PPP3CA: variants seen among roughly 807,000 people sequenced by gnomAD.
PPP3CA encodes CAM-PRP catalytic subunit.
A neutral mutation model predicts 66.5 loss-of-function variants in PPP3CA; 14 were observed. The observed-to-expected ratio is 0.21, with a 90% CI of 0.14 to 0.33. The LOEUF (loss-of-function observed/expected upper bound fraction) is 0.33, where lower values mean the gene tolerates loss of function less well. PPP3CA is among the 10% of genes least tolerant of loss of function. The pLI is 1.00. For synonymous variants in PPP3CA, 232 were observed against 226.2 expected (o/e 1.03, Z -0.23); for missense variants, 317 against 639.5 (o/e 0.50, Z 5.44).
intron 1 of PPP3CA, among the ~76,000 whole-genome samples, chr4:101,345,631 G>A (rs1729957523): frequency 6.6e-6 from 1 of 152,130 alleles, no homozygotes; most frequent in African/African-American, 2.4e-5. Flanking sequence ...AGCCTTCCAG[G>A]ATTCATAGGA....
At chr4:101,309,867 T>A (rs2850366) in intron 1 of PPP3CA, among the ~76,000 whole-genome samples, 2 of 152,040 alleles carry the variant, frequency 1.3e-5, no homozygotes, top group Non-Finnish European at 2.9e-5. Context: ...AATAGTGTGC[T>A]ACACATTCCC....
chr4:101,268,904 T>C (rs1727248651), intron 1 of PPP3CA, among the ~76,000 whole-genome samples: 1 of 152,166 alleles, frequency 6.6e-6, no homozygotes, highest in South Asian at 2.1e-4. Context: ...CTAAGTTGTC[T>C]CATGGGACGT....
chr4:101,250,636 G>A (rs1325384954), intron 1 of PPP3CA, among the ~76,000 whole-genome samples: 3 of 151,934 alleles, frequency 2.0e-5, no homozygotes, highest in East Asian at 1.9e-4. Flanking sequence ...GGTGAATCTC[G>A]TAGATTAAAA....
intron 1 of PPP3CA, among the ~76,000 whole-genome samples, chr4:101,340,899 A>G (rs996134746): frequency 4.3e-4 from 65 of 152,202 alleles, no homozygotes; most frequent in African/African-American, 1.5e-3. Flanking sequence ...TTAAGACAAC[A>G]TCCTTCAAAA....
intron 1 of PPP3CA, among the ~76,000 whole-genome samples, chr4:101,254,638 A>AT (rs1235651137): frequency 4.6e-5 from 7 of 151,920 alleles, no homozygotes; most frequent in Non-Finnish European, 8.8e-5. Flanking sequence ...ATTCATACAG[A>AT]CATGATCCAA....
intron 2 of PPP3CA, among the ~76,000 whole-genome samples, chr4:101,110,302 CT>C (rs1721628085): frequency 6.6e-6 from 1 of 152,046 alleles, no homozygotes; most frequent in South Asian, 2.1e-4. Context: ...TATTTCCTTA[CT>C]TGACAAAAGA....
chr4:101,132,985 C>A (rs1175394326), intron 2 of PPP3CA, among the ~76,000 whole-genome samples: 2 of 152,114 alleles, frequency 1.3e-5, no homozygotes, highest in Non-Finnish European at 2.9e-5. Flanking sequence ...ATAAACAGAA[C>A]CAAGGACAAA....
chr4:101,311,109 A>AAATCCAAGTAT (rs1275330973), intron 1 of PPP3CA, among the ~76,000 whole-genome samples: 46 of 152,362 alleles, frequency 3.0e-4, no homozygotes, highest in African/African-American at 9.4e-4. Flanking sequence ...ATTAGCTTGC[A>AAATCCAAGTAT]AATCCAAGTA....
intron 13 of PPP3CA, 48 bp downstream of exon 13, chr4:101,029,118 A>G: frequency 6.6e-7 from 1 of 1,526,206 alleles, no homozygotes; most frequent in Non-Finnish European, 9.1e-7. Flanking sequence ...CACCCAGCAG[A>G]GCCCTTATCT....
At chr4:101,123,628 C>T (rs1400490930) in intron 2 of PPP3CA, among the ~76,000 whole-genome samples, 5 of 151,964 alleles carry the variant, frequency 3.3e-5, no homozygotes, top group African/African-American at 1.2e-4. Flanking sequence ...CCTATGAATT[C>T]GAGACCAGCC....
chr4:101,339,044 G>A lies in PPP3CA; in HGVS notation c.58+7695C>T, dbSNP rs577750504. Among the ~76,000 whole-genome samples, 12 of 152,264 alleles carry A rather than the reference G, an allele frequency of 7.9e-5. No individual in the cohort carries two copies. In the South Asian group the frequency reaches 1.5e-3, roughly 18 times the overall value. On this transcript the variant is annotated intron_variant, in intron 1 of 13. Coordinates refer to ENST00000394854, the MANE Select transcript of PPP3CA (RefSeq NM_000944.5). ...TGTGAGAATCTAAGGAGACAGCAGC[G>A]TTAGTGCCACCTTTTTCTTAACTTT...
chr4:101,197,466 G>A (rs1478672303), intron 1 of PPP3CA, among the ~76,000 whole-genome samples: 1 of 152,106 alleles, frequency 6.6e-6, no homozygotes, highest in Non-Finnish European at 1.5e-5. Flanking sequence ...AGGCTTTTGT[G>A]GTCAGACAAA....
chr4:101,134,175 C>T (rs541815415), intron 2 of PPP3CA, among the ~76,000 whole-genome samples: 156 of 152,198 alleles, frequency 1.0e-3, no homozygotes, highest in Non-Finnish European at 1.7e-3. Context: ...CCATTCAGGA[C>T]GTCGGCAAAG....
intron 2 of PPP3CA, among the ~76,000 whole-genome samples, chr4:101,184,727 A>G (rs1313362884): frequency 6.6e-6 from 1 of 152,176 alleles, no homozygotes; most frequent in East Asian, 1.9e-4. Flanking sequence ...TAGCAACAGT[A>G]CCTACACCTC....
At chr4:101,084,576 G>C (rs367687887) in intron 6 of PPP3CA, among the ~76,000 whole-genome samples, 1 of 151,812 alleles carries the variant, frequency 6.6e-6, no homozygotes, top group African/African-American at 2.4e-5. Context: ...CCAGGAGGTG[G>C]AGGTTGCAGT....
At chr4:101,230,894 G>A (rs1273429419) in intron 1 of PPP3CA, among the ~76,000 whole-genome samples, 1 of 151,656 alleles carries the variant, frequency 6.6e-6, no homozygotes, top group Non-Finnish European at 1.5e-5. Flanking sequence ...GACTTTCTGT[G>A]TATTCTCTGA....
chr4:101,025,778 C>T lies in PPP3CA; in HGVS notation c.*87G>A. The T allele has an allele frequency of 8.8e-7, 1 of 1,130,778 alleles. No homozygotes were observed. Among genetic ancestry groups the T allele is most frequent in the Non-Finnish European group, 1.2e-6 (1 of 822,204 alleles). The allele number at this position is 1,130,778 out of a possible 1,614,324, so 70.0% of individuals were successfully genotyped here. On this transcript the variant is annotated 3_prime_UTR_variant, in exon 14 of 14. Coordinates refer to ENST00000394854, the MANE Select transcript of PPP3CA (RefSeq NM_000944.5). The stretch of plus-strand genomic sequence containing the variant: ...AAGCTACTGTCAGAGGCAAGAACAT[C>T]CAACTGCTGATATGCAGCAATCCCC...
intron 1 of PPP3CA, among the ~76,000 whole-genome samples, chr4:101,330,579 C>CTT (rs1052898705): frequency 6.6e-6 from 1 of 152,128 alleles, no homozygotes; most frequent in Non-Finnish European, 1.5e-5. Flanking sequence ...GTAAACATAA[C>CTT]TTTAACATGC....
At chr4:101,029,942 A>G (rs1311641114) in intron 12 of PPP3CA, among the ~76,000 whole-genome samples, 2 of 151,968 alleles carry the variant, frequency 1.3e-5, no homozygotes, top group Non-Finnish European at 2.9e-5. Context: ...TGGAAGTAAA[A>G]TTCTTAAAAT....
Sources: allele counts gnomAD v4.1 joint callset (sites outside exome capture counted in the v4.1 genomes callset), GRCh38; gene constraint gnomAD v4.1.1; transcripts MANE v1.5; gene names NCBI Gene and HGNC (gene_info 2026-07-23, HGNC 2026-07-21).